The following PLA1A variants were observed in gnomAD, a reference collection of about 807,000 sequenced individuals.
The protein encoded by PLA1A is phosphatidylserine-specific phospholipase A1alpha.
A neutral mutation model predicts 49.4 loss-of-function variants in PLA1A; 47 were observed. The ratio of observed to expected loss-of-function variants is 0.95; its 90% CI spans 0.75 to 1.21. The LOEUF (loss-of-function observed/expected upper bound fraction) is 1.21. Ranked by LOEUF, PLA1A falls within the 50% of genes most tolerant of loss-of-function variation. The pLI is 0.00. For missense variants in PLA1A, 561 were observed against 563.9 expected (o/e 0.99, Z 0.05); for synonymous variants, 224 against 207.9 (o/e 1.08, Z -0.67).
intron 1 of PLA1A, 108 bp from the exon 2 acceptor site, chr3:119,606,666 A>T: frequency 1.4e-6 from 1 of 727,500 alleles, no homozygotes. Context: ...AATAAACCCC[A>T]TGCCTGCAGG....
intron 1 of PLA1A, among the ~76,000 whole-genome samples, chr3:119,602,069 T>G (rs1353756254): frequency 6.6e-6 from 1 of 152,168 alleles, no homozygotes; most frequent in African/African-American, 2.4e-5. Flanking sequence ...GGATTTAGAT[T>G]TGCTGATATT....
At chr3:119,599,307 A>G (rs1433208726) in intron 1 of PLA1A, among the ~76,000 whole-genome samples, 3 of 152,046 alleles carry the variant, frequency 2.0e-5, no homozygotes, top group Non-Finnish European at 4.4e-5. Flanking sequence ...TTATTAGCAA[A>G]TTGTTGTCTA....
intron 7 of PLA1A, 66 bp from the exon 8 acceptor site, chr3:119,619,497 C>T: frequency 9.8e-7 from 1 of 1,017,662 alleles, no homozygotes; most frequent in Non-Finnish European, 1.6e-6. Context: ...AAACACGTGG[C>T]TGGGTGCTGT....
At chr3:119,624,753 C>T (rs980414740) in intron 8 of PLA1A, among the ~76,000 whole-genome samples, 7 of 152,064 alleles carry the variant, frequency 4.6e-5, no homozygotes, top group African/African-American at 1.4e-4. Flanking sequence ...GTCTCAGCCT[C>T]CTGAGTAGCT....
intron 6 of PLA1A, among the ~76,000 whole-genome samples, chr3:119,617,177 G>A (rs1439696275): frequency 6.6e-6 from 1 of 152,180 alleles, no homozygotes; most frequent in Non-Finnish European, 1.5e-5. Context: ...AGTGAAATAA[G>A]TTTTGGTAAA....
At chr3:119,600,490 T>C in intron 1 of PLA1A, 2 of 688,066 alleles carry the variant, frequency 2.9e-6, no homozygotes, top group Non-Finnish European at 2.6e-6. Context: ...GGCCTGCTTA[T>C]TTTCCCTTTC....
chr3:119,623,717 CTTT>C (rs35309675), intron 8 of PLA1A, among the ~76,000 whole-genome samples: 71 of 101,486 alleles, frequency 7.0e-4, no homozygotes, highest in African/African-American at 1.8e-3. Flanking sequence ...TTCTCTCTTT[CTTT>C]TTTTTTTTTT....
chr3:119,599,629 G>A (rs1421351381), intron 1 of PLA1A, among the ~76,000 whole-genome samples: 2 of 152,184 alleles, frequency 1.3e-5, no homozygotes, highest in South Asian at 2.1e-4. Flanking sequence ...AGATAGCAGG[G>A]TTAGGGTCAG....
At chr3:119,606,465 T>C (rs1423542213) in intron 1 of PLA1A, among the ~76,000 whole-genome samples, 7 of 152,170 alleles carry the variant, frequency 4.6e-5, no homozygotes, top group African/African-American at 1.2e-4. Flanking sequence ...TTTCAACATA[T>C]GAATTTTGGG....
At chr3:119,615,958 C>T (rs2082841906) in intron 5 of PLA1A, 54 bp from the exon 6 acceptor site, 4 of 1,189,802 alleles carry the variant, frequency 3.4e-6, no homozygotes, top group Non-Finnish European at 5.0e-6. Flanking sequence ...TTGAGGTCCG[C>T]TGTGAGCCGA....
chr3:119,627,013 C>T (rs766038843), intron 9 of PLA1A, among the ~76,000 whole-genome samples: 16 of 152,186 alleles, frequency 1.1e-4, no homozygotes, highest in Non-Finnish European at 1.8e-4. Flanking sequence ...ACGTTAGAAT[C>T]ACCTGGAGAG....
At chr3:119,614,835 TC>T (rs1375037134) in intron 5 of PLA1A, among the ~76,000 whole-genome samples, 1 of 151,906 alleles carries the variant, frequency 6.6e-6, no homozygotes, top group East Asian at 1.9e-4. Flanking sequence ...TTGAATGAGG[TC>T]CCTGCCTACA....
At position 119,625,270 on chromosome 3, in the gene PLA1A, G is replaced by C. The variant is rs529478554; in HGVS notation, c.1121+38G>C. The C allele has an allele frequency of 3.5e-5, 47 of 1,329,894 alleles. No individual in the cohort carries two copies. In the East Asian group the frequency reaches 1.1e-3, roughly 30 times the overall value. 82.4% of individuals were successfully genotyped at this position (1,329,894 alleles called of 1,614,324 possible). A position where few individuals can be genotyped will look rare whatever the true frequency, so the allele number is the denominator to read the frequency against. On this transcript the variant is annotated intron_variant, in intron 9 of 10. Coordinates refer to ENST00000273371, the MANE Select transcript of PLA1A (RefSeq NM_015900.4). Reference sequence around the variant, plus strand: ...CCCACCTGGTTGACTCCTCCCCTTAGGAGTTGGTTACTTTTTCATTTTACA... The same window carrying C: ...CCCACCTGGTTGACTCCTCCCCTTACGAGTTGGTTACTTTTTCATTTTACA...
rs756539203 is a variant in PLA1A, at chr3:119,608,814, C to A, written c.320C>A (p.Thr107Asn). 1.1e-5 allele frequency: 18 copies of A among 1,613,882 alleles called. No individual in the cohort carries two copies. The highest frequency in any genetic ancestry group is 6.7e-5 in the Admixed American group (4 of 60,020). Reference sequence around the variant, plus strand: ...TCCTGGATTGACACATTTATTAGAACCCTTCTGCGTGCAACGAATGCTAAT... The same window carrying A: ...TCCTGGATTGACACATTTATTAGAAACCTTCTGCGTGCAACGAATGCTAAT... ...KPSWIDTFIRTLLRATNANVI... is the reference protein window; with the variant it reads ...KPSWIDTFIRNLLRATNANVI... The change falls in exon 3 of 11, where the codon ACC becomes AAC. Residue 107 changes from threonine to asparagine, a missense_variant. Transcript: ENST00000273371.
At position 119,597,943 on chromosome 3, in the gene PLA1A, C is replaced by G. The variant is rs1277697175; in HGVS notation, c.30C>G (p.Phe10Leu). 6.2e-7 allele frequency: 1 copy of G among 1,610,932 alleles called. No individual in the cohort carries two copies. Among genetic ancestry groups the G allele is most frequent in the African/African-American group, 1.3e-5 (1 of 74,830 alleles). The part of the protein sequence containing the change: MPPGPWESC[F>L]WVGGLILWLS... ...CCCCAGGTCCCTGGGAGAGCTGCTT[C>G]TGGGTGGGGGGCCTCATTTTGTGGC... Residue 10 changes from phenylalanine (F) to leucine (L), a missense_variant, in exon 1 of 11, where the codon TTC (phenylalanine) becomes TTG (leucine). Transcript: ENST00000273371.
intron 5 of PLA1A, among the ~76,000 whole-genome samples, chr3:119,613,616 G>A (rs916698978): frequency 2.0e-5 from 3 of 152,222 alleles, no homozygotes; most frequent in African/African-American, 4.8e-5. Flanking sequence ...CTTCCGGGCC[G>A]GGCACGGTGG....
chr3:119,602,007 C>G (rs1182212209), intron 1 of PLA1A, among the ~76,000 whole-genome samples: 2 of 151,628 alleles, frequency 1.3e-5, no homozygotes, highest in Non-Finnish European at 2.9e-5. Context: ...AAGAATTGGC[C>G]CAGCAAACCT....
intron 1 of PLA1A, among the ~76,000 whole-genome samples, chr3:119,606,099 C>A (rs1289216141): frequency 6.6e-6 from 1 of 152,198 alleles, no homozygotes; most frequent in Admixed American, 6.5e-5. Context: ...ATTTAGAATT[C>A]TCTACTAGTT....
chr3:119,616,675 T>C (rs913648263), intron 6 of PLA1A, among the ~76,000 whole-genome samples: 2 of 152,264 alleles, frequency 1.3e-5, no homozygotes, highest in Admixed American at 1.3e-4. Flanking sequence ...GTTTTTAGTC[T>C]TTTCTTGCTT....
Sources: allele counts gnomAD v4.1 joint callset (sites outside exome capture counted in the v4.1 genomes callset), GRCh38; gene constraint gnomAD v4.1.1; transcripts MANE v1.5; gene names NCBI Gene and HGNC (gene_info 2026-07-23, HGNC 2026-07-21).